Variants in GRIK1 observed in about 807,000 individuals in gnomAD.
GRIK1 encodes the protein glutamate ionotropic receptor kainate type subunit 1.
A neutral mutation model predicts 105.7 loss-of-function variants in GRIK1; 69 were observed. That is an observed-to-expected ratio of 0.65 (90% CI 0.54 to 0.80). The LOEUF (loss-of-function observed/expected upper bound fraction) is 0.80. Among genes scored for constraint, GRIK1 ranks in the 30% least tolerant of loss-of-function variants. The pLI is 0.00. For synonymous variants in GRIK1, 438 were observed against 431.3 expected (o/e 1.02, Z -0.19); for missense variants, 1,109 against 1,167.3 (o/e 0.95, Z 0.73).
At chr21:29,751,050 G>A (rs1365371387) in intron 1 of GRIK1, among the ~76,000 whole-genome samples, 4 of 152,092 alleles carry the variant, frequency 2.6e-5, no homozygotes, top group Non-Finnish European at 5.9e-5. Context: ...TGCTCAGTGG[G>A]GGACCTTTTG....
chr21:29,618,432 A>G lies in GRIK1; in HGVS notation c.1099-19495T>C, dbSNP rs2061901900. Among the ~76,000 whole-genome samples, 3 of 152,340 alleles carry G rather than the reference A, an allele frequency of 2.0e-5. No homozygotes were observed. The South Asian group carries it at 6.2e-4, about 32-fold the overall frequency. On this transcript the variant is annotated intron_variant, in intron 7 of 17. Coordinates refer to ENST00000327783, the MANE Select transcript of GRIK1 (RefSeq NM_001330994.2). ...GGTGGGAACGTAAACTAGTACAACC[A>G]CTATGGAAAACAGCGTGGCGATTCC... is the stretch of plus-strand genomic sequence containing the variant.
intron 1 of GRIK1, among the ~76,000 whole-genome samples, chr21:29,782,086 CTT>C (rs35928677): frequency 2.4e-4 from 33 of 136,946 alleles, no homozygotes; most frequent in African/African-American, 8.0e-4. Context: ...ACTGCAACAC[CTT>C]TTTTTTTTTT....
chr21:29,707,438 C>CCCTCCCTTCCTCCCTTCCTTCCTTCCTT (rs1568997593), intron 1 of GRIK1, among the ~76,000 whole-genome samples: 20 of 1,814 alleles, frequency 0.011, 1 homozygote, highest in African/African-American at 0.017. Flanking sequence ...CTTCCTCCCT[C>CCCTCCCTTCCTCCCTTCCTTCCTTCCTT]CCTCCCTCCC....
intron 6 of GRIK1, among the ~76,000 whole-genome samples, chr21:29,648,950 A>G (rs1194091567): frequency 3.9e-5 from 6 of 152,204 alleles, no homozygotes; most frequent in Admixed American, 3.9e-4. Flanking sequence ...TCTTTAACGT[A>G]GAGAAGAAAG....
At chr21:29,609,538 G>C (rs992209120) in intron 7 of GRIK1, among the ~76,000 whole-genome samples, 1 of 152,178 alleles carries the variant, frequency 6.6e-6, no homozygotes, top group African/African-American at 2.4e-5. Flanking sequence ...GAATTGGGGG[G>C]CCCAATAAAG....
rs115232652 is a variant in GRIK1, at chr21:29,540,235, G to T, written c.2608-2351C>A. On this transcript the variant is annotated intron_variant, in intron 16 of 17. Transcript: ENST00000327783. ...GAACTCCTCCCCCAGATTTTAGACT[G>T]CCTTAAAGTACAACAAACATCTTTA... 7.4e-3 allele frequency among the ~76,000 whole-genome samples: 1,131 copies of T among 152,204 alleles called. 12 individuals are homozygous for T. The highest frequency in any genetic ancestry group is 0.026 in the African/African-American group (1,067 of 41,514).
chr21:29,828,011 C>CTCTGTCTCTGTG (rs1218773356), intron 1 of GRIK1, among the ~76,000 whole-genome samples: 1,004 of 76,484 alleles, frequency 0.013, 12 homozygotes, highest in African/African-American at 0.03. Context: ...CTGTCTCTCT[C>CTCTGTCTCTGTG]TGTGTGTGTG....
At chr21:29,832,467 A>G (rs11088126) in intron 1 of GRIK1, among the ~76,000 whole-genome samples, 16,988 of 152,138 alleles carry the variant, frequency 0.11, 1,020 homozygotes, top group Admixed American at 0.16. Context: ...AGGCATTTCC[A>G]TACACCCTCT....
At chr21:29,648,977 A>G (rs900550470) in intron 6 of GRIK1, among the ~76,000 whole-genome samples, 1 of 152,228 alleles carries the variant, frequency 6.6e-6, no homozygotes, top group African/African-American at 2.4e-5. Context: ...AATAGAGGCA[A>G]CTTGACAGCA....
intron 7 of GRIK1, among the ~76,000 whole-genome samples, chr21:29,607,896 T>A (rs1418520355): frequency 6.6e-6 from 1 of 152,184 alleles, no homozygotes; most frequent in African/African-American, 2.4e-5. Context: ...TTTGGCAAAA[T>A]TTTTATATAA....
chr21:29,662,324 A>G (rs1395781040), intron 4 of GRIK1, among the ~76,000 whole-genome samples: 1 of 152,250 alleles, frequency 6.6e-6, no homozygotes, highest in Non-Finnish European at 1.5e-5. Flanking sequence ...GCAGAATGAA[A>G]TAGGCAATCT....
intron 1 of GRIK1, among the ~76,000 whole-genome samples, chr21:29,726,225 G>A (rs987607725): frequency 1.4e-4 from 22 of 152,160 alleles, no homozygotes; most frequent in African/African-American, 5.3e-4. Flanking sequence ...AGGAAAATGA[G>A]GATAGTTTCA....
chr21:29,833,570 G>A (rs1569142799), intron 1 of GRIK1, among the ~76,000 whole-genome samples: 1 of 152,150 alleles, frequency 6.6e-6, no homozygotes, highest in Non-Finnish European at 1.5e-5. Context: ...GGCTGGAGAA[G>A]GAGGAAAAGA....
chr21:29,617,302 C>T (rs1239260189), intron 7 of GRIK1, among the ~76,000 whole-genome samples: 3 of 152,152 alleles, frequency 2.0e-5, no homozygotes, highest in African/African-American at 2.4e-5. Flanking sequence ...CCTTCAATAA[C>T]GCTGCTGCAG....
intron 1 of GRIK1, among the ~76,000 whole-genome samples, chr21:29,911,622 G>A (rs948768478): frequency 7.9e-5 from 12 of 152,036 alleles, no homozygotes; most frequent in Admixed American, 4.6e-4. Context: ...ACTGGTAGGC[G>A]GGGCCTTTGG....
intron 1 of GRIK1, among the ~76,000 whole-genome samples, chr21:29,817,713 C>T (rs1841268846): frequency 6.6e-6 from 1 of 152,116 alleles, no homozygotes; most frequent in African/African-American, 2.4e-5. Flanking sequence ...CACAGCAGAC[C>T]TGCAGCCACC....
At chr21:29,597,152 C>T (rs1007941917) in intron 8 of GRIK1, among the ~76,000 whole-genome samples, 1 of 152,220 alleles carries the variant, frequency 6.6e-6, no homozygotes, top group Non-Finnish European at 1.5e-5. Flanking sequence ...CCTCCCTCGG[C>T]TCCTGAGAGA....
intron 7 of GRIK1, among the ~76,000 whole-genome samples, chr21:29,608,556 TTC>T (rs1442192041): frequency 6.6e-6 from 1 of 152,178 alleles, no homozygotes; most frequent in Non-Finnish European, 1.5e-5. Context: ...TAGTTTTATT[TTC>T]TCTCTTTTAA....
At chr21:29,913,259 A>C (rs1302804903) in intron 1 of GRIK1, among the ~76,000 whole-genome samples, 3 of 152,072 alleles carry the variant, frequency 2.0e-5, no homozygotes, top group Non-Finnish European at 4.4e-5. Context: ...TCATCACCTC[A>C]TCTATGAACT....
Sources: allele counts gnomAD v4.1 joint callset (sites outside exome capture counted in the v4.1 genomes callset), GRCh38; gene constraint gnomAD v4.1.1; transcripts MANE v1.5; gene names NCBI Gene and HGNC (gene_info 2026-07-23, HGNC 2026-07-21).